Variants in PRKCH observed in about 807,000 individuals in gnomAD.
PRKCH encodes protein kinase C eta, also known as protein kinase C eta type.
In PRKCH, 28 loss-of-function variants were observed where a neutral mutation model predicts 82.5. The ratio of observed to expected loss-of-function variants is 0.34; its 90% CI spans 0.25 to 0.47. The LOEUF (loss-of-function observed/expected upper bound fraction) is 0.47. Among genes scored for constraint, PRKCH ranks in the 20% least tolerant of loss-of-function variants. PRKCH has a pLI of 1.00. For synonymous variants in PRKCH, 322 were observed against 327.4 expected, an observed-to-expected ratio of 0.98 and a Z score of 0.18; for missense variants, 705 against 881.8, an observed-to-expected ratio of 0.80 and a Z score of 2.54.
intron 1 of PRKCH, among the ~76,000 whole-genome samples, chr14:61,259,014 A>G (rs908111839): frequency 3.3e-5 from 5 of 152,142 alleles, no homozygotes; most frequent in Admixed American, 6.6e-5. Context: ...CACGAAGTCA[A>G]TTCCCTCTTT....
chr14:61,197,829 C>A (rs768605940), intron 1 of PRKCH, among the ~76,000 whole-genome samples: 1 of 152,118 alleles, frequency 6.6e-6, no homozygotes, highest in Non-Finnish European at 1.5e-5. Flanking sequence ...AAAGACAGTG[C>A]CTCCACTTGT....
intron 1 of PRKCH, among the ~76,000 whole-genome samples, chr14:61,254,838 A>G (rs1375550515): frequency 6.6e-6 from 1 of 152,100 alleles, no homozygotes; most frequent in Admixed American, 6.6e-5. Context: ...TTCTAGGGAG[A>G]ATCCAATTTT....
At chr14:61,205,462 A>G (rs1004716027) in intron 1 of PRKCH, among the ~76,000 whole-genome samples, 8 of 152,182 alleles carry the variant, frequency 5.3e-5, no homozygotes, top group African/African-American at 1.9e-4. Flanking sequence ...TGGAAGCCCC[A>G]TTACCACTCC....
At chr14:61,474,067 T>G (rs146593669) in intron 9 of PRKCH, among the ~76,000 whole-genome samples, 2 of 152,074 alleles carry the variant, frequency 1.3e-5, no homozygotes, top group Non-Finnish European at 2.9e-5. Context: ...AAGAAGGAAT[T>G]CTAAGTAAGG....
At chr14:61,346,174 C>T (rs2045989949) in intron 1 of PRKCH, among the ~76,000 whole-genome samples, 1 of 152,112 alleles carries the variant, frequency 6.6e-6, no homozygotes, top group African/African-American at 2.4e-5. Flanking sequence ...TTCAAGAAAG[C>T]TTGTCAGGGT....
intron 12 of PRKCH, chr14:61,545,079 G>C (rs2043236998): frequency 6.6e-6 from 1 of 150,950 alleles, no homozygotes; most frequent in Non-Finnish European, 1.5e-5. Flanking sequence ...TTGCCGTGCA[G>C]CTCTCATCAC....
Position 61,280,321 on chromosome 14 carries a change from G to A in PRKCH, c.-19+92653G>A, listed in dbSNP as rs763302533. On this transcript the variant is annotated intron_variant, in intron 1 of 3. Transcript: ENST00000555185. The surrounding 1 kb of genome is among the most constrained non-coding windows in gnomAD (Gnocchi z 5.0). ...GCGGTAGGCGCCCCGCGGCAGCCCG[G>A]CCGAGTAGTTGCCCTGGCGGATGCG... 3.1e-6 allele frequency: 5 copies of A among 1,613,886 alleles called. No individual in the cohort carries two copies. The highest frequency in any genetic ancestry group is 4.2e-6 in the Non-Finnish European group (5 of 1,179,964).
intron 1 of PRKCH, among the ~76,000 whole-genome samples, chr14:61,312,709 T>C (rs1307007365): frequency 6.6e-6 from 1 of 152,038 alleles, no homozygotes; most frequent in Admixed American, 6.5e-5. Flanking sequence ...TATAAAACCA[T>C]CAGATCTCAT....
chr14:61,241,378 A>C (rs2044835586), intron 1 of PRKCH, among the ~76,000 whole-genome samples: 2 of 152,302 alleles, frequency 1.3e-5, no homozygotes, highest in Middle Eastern at 3.4e-3. Flanking sequence ...TAAATCATTG[A>C]TCATTGGTAA....
intron 10 of PRKCH, among the ~76,000 whole-genome samples, chr14:61,528,611 G>C (rs1448071401): frequency 6.6e-6 from 1 of 151,798 alleles, no homozygotes; most frequent in Non-Finnish European, 1.5e-5. Flanking sequence ...TACACTGTGA[G>C]TTCCTTGCAG....
At chr14:61,449,727 C>G (rs1450459589) in intron 5 of PRKCH, among the ~76,000 whole-genome samples, 1 of 152,182 alleles carries the variant, frequency 6.6e-6, no homozygotes, top group Non-Finnish European at 1.5e-5. Context: ...CAATGTTTCC[C>G]TCACACAGTT....
chr14:61,250,140 A>G (rs1190332456), intron 1 of PRKCH, among the ~76,000 whole-genome samples: 1 of 151,008 alleles, frequency 6.6e-6, no homozygotes, highest in East Asian at 2.0e-4. Flanking sequence ...GGCGCCTGTA[A>G]TCCCAACTAT....
intron 2 of PRKCH, among the ~76,000 whole-genome samples, chr14:61,407,744 A>G (rs949137442): frequency 2.0e-5 from 3 of 152,156 alleles, no homozygotes; most frequent in African/African-American, 7.2e-5. Flanking sequence ...CAGCCTTTAT[A>G]GAACCTTTTG....
intron 2 of PRKCH, among the ~76,000 whole-genome samples, chr14:61,423,765 G>A (rs1246231306): frequency 3.3e-5 from 5 of 152,172 alleles, no homozygotes; most frequent in East Asian, 3.8e-4. Context: ...GGGATGTGTG[G>A]CACATTCAGC....
chr14:61,236,726 A>AAG (rs1555370639), intron 1 of PRKCH, among the ~76,000 whole-genome samples: 5,298 of 147,086 alleles, frequency 0.036, 176 homozygotes, highest in African/African-American at 0.079. Flanking sequence ...AAAAAAAAAA[A>AAG]AAAAAGAAAA....
chr14:61,257,887 G>A (rs2045012947), intron 1 of PRKCH, among the ~76,000 whole-genome samples: 2 of 152,102 alleles, frequency 1.3e-5, no homozygotes, highest in African/African-American at 4.8e-5. Flanking sequence ...GCTTGCTATA[G>A]CATGGCACTT....
In PRKCH at chr14:61,502,438, A is replaced by C. The variant is rs569521566; in HGVS notation, c.1433+16782A>C. ...TAATTCTGCTATCTCTTGTTGGAGA[A>C]AGTGCTGGTTTTTTCAGATCAGGCA... On this transcript the variant is annotated intron_variant, in intron 10 of 13. Coordinates refer to ENST00000332981, the MANE Select transcript of PRKCH (RefSeq NM_006255.5). 2.5e-3 allele frequency among the ~76,000 whole-genome samples: 386 copies of C among 152,244 alleles called. 4 individuals are homozygous for C. The highest frequency in any genetic ancestry group is 4.1e-3 in the Non-Finnish European group (278 of 68,008).
intron 4 of PRKCH, 66 bp from the exon 5 acceptor site, chr14:61,449,098 C>G: frequency 6.8e-7 from 1 of 1,475,830 alleles, no homozygotes; most frequent in Non-Finnish European, 9.5e-7. Flanking sequence ...CCCTGGTTGA[C>G]TCTGCTGTAA....
rs1365215008 is a variant in PRKCH at position 61,549,780 on chromosome 14, C to T, written c.2001C>T (p.Asn667=). ...ATGAGGGACATCTTCCAATGATTAA[C>T]CAGGATGAGTTTAGAAACTTTTCCT... ...PIDEGHLPMI[N]QDEFRNFSYV... Residue 667 remains asparagine (N), a synonymous_variant, in exon 14 of 14, where the codon AAC becomes AAT. Transcript: ENST00000332981. 2 of 1,613,870 alleles carry T rather than the reference C, an allele frequency of 1.2e-6. No homozygotes were observed. Among genetic ancestry groups the T allele is most frequent in the Non-Finnish European group, 1.7e-6 (2 of 1,180,008 alleles).
Sources: gnomAD v4.1 joint callset for allele counts (sites outside exome capture counted in the v4.1 genomes callset) on GRCh38, gnomAD v4.1.1 for gene constraint, Gnocchi (gnomAD v3.1) non-coding constraint, MANE v1.5 for transcripts, NCBI Gene and HGNC (gene_info 2026-07-23, HGNC 2026-07-21) for gene names.